The following ANKRD18A variants were observed in gnomAD, a reference collection of about 807,000 sequenced individuals.
ANKRD18A encodes the protein ankyrin repeat domain-containing protein 18A.
In ANKRD18A, 72 loss-of-function variants were observed where a neutral mutation model predicts 110.6. The observed-to-expected ratio is 0.65, with a 90% confidence interval of 0.54 to 0.79. The LOEUF (loss-of-function observed/expected upper bound fraction) is 0.79, where lower values mean the gene tolerates loss of function less well. Among genes scored for constraint, ANKRD18A ranks in the 30% least tolerant of loss-of-function variants. ANKRD18A has a pLI of 0.00. For synonymous variants in ANKRD18A, 305 were observed against 410.3 expected (o/e 0.74, Z 3.10); for missense variants, 934 against 1,163.3 (o/e 0.80, Z 2.87).
At chr9:38,602,436 G>A (rs1303765464) in intron 7 of ANKRD18A, among the ~76,000 whole-genome samples, 2 of 152,128 alleles carry the variant, frequency 1.3e-5, no homozygotes, top group Admixed American at 1.3e-4. Context: ...GTATGTTTTT[G>A]TTTACATGAG....
intron 13 of ANKRD18A, 75 bp from the exon 14 acceptor site, chr9:38,577,339 G>C: frequency 1.4e-6 from 2 of 1,426,958 alleles, no homozygotes; most frequent in Non-Finnish European, 9.3e-7. Context: ...CTTTCATTTT[G>C]AATCAGTGAT....
chr9:38,613,633 G>A (rs1252130780), intron 3 of ANKRD18A, among the ~76,000 whole-genome samples: 3 of 152,128 alleles, frequency 2.0e-5, no homozygotes, highest in South Asian at 4.1e-4. Flanking sequence ...TAGGAATGCT[G>A]AAACTAAATT....
At chr9:38,569,112 C>G (rs1823547487), downstream of ANKRD18A, 1 of 985,274 alleles carries the variant, frequency 1.0e-6, no homozygotes, top group South Asian at 4.7e-5. Flanking sequence ...GGGTCAGATG[C>G]AGGAACCAAG....
chr9:38,569,432 T>C (rs894233931), downstream of ANKRD18A: 13 of 985,128 alleles, frequency 1.3e-5, no homozygotes, highest in African/African-American at 1.8e-5. Flanking sequence ...TGTTGAGATG[T>C]GCCTTTCACC....
At chr9:38,591,508 C>T (rs1824646527) in intron 10 of ANKRD18A, among the ~76,000 whole-genome samples, 1 of 152,120 alleles carries the variant, frequency 6.6e-6, no homozygotes, top group African/African-American at 2.4e-5. Flanking sequence ...TGGTGAGCTA[C>T]AGGTAAGATT....
intron 8 of ANKRD18A, among the ~76,000 whole-genome samples, chr9:38,599,086 CTCTT>C (rs1825013195): frequency 6.6e-6 from 1 of 152,070 alleles, no homozygotes; most frequent in African/African-American, 2.4e-5. Context: ...TACAACAATT[CTCTT>C]TCTTCTTCTT....
Position 38,595,680 on chromosome 9 carries a change from G to T in ANKRD18A, c.1660C>A (p.Leu554Ile), listed in dbSNP as rs1451250932. Residue 554 changes from leucine (L) to isoleucine (I), a missense_variant, in exon 9 of 16, where the codon CTC becomes ATC. Transcript: ENST00000399703. ...ERIRQQELEN[L>I]LLERQLEDAR... ...TCCTCTAGTTGTCGTTCAAGCAAGA[G>T]ATTTTCAAGTTCTTGTTGACGTATT... 1 of 1,551,226 alleles carries T rather than the reference G, an allele frequency of 6.4e-7. No individual in the cohort carries two copies. The highest frequency in any genetic ancestry group is 1.2e-5 in the South Asian group (1 of 84,026).
chr9:38,573,300 T>G (rs1353320054), intron 15 of ANKRD18A, among the ~76,000 whole-genome samples: 15 of 152,230 alleles, frequency 9.9e-5, no homozygotes. Context: ...TTTCTACTTA[T>G]TCTAAGTTTA....
intron 6 of ANKRD18A, among the ~76,000 whole-genome samples, chr9:38,606,287 C>T (rs1448622209): frequency 6.9e-6 from 1 of 144,064 alleles, no homozygotes; most frequent in African/African-American, 2.6e-5. Context: ...GCAGTTGACC[C>T]TTGAACAACA....
rs1414856266 is a variant in ANKRD18A at position 38,617,011 on chromosome 9, T to C, written c.207-967A>G. ...GTCTTACATTAAGTAGAATACTGTA[T>C]ACACAGCAGGTCTAGGGCAATTCTA... On this transcript the variant is annotated intron_variant, in intron 1 of 15. Transcript: ENST00000399703. Among the ~76,000 whole-genome samples the C allele has an allele frequency of 2.6e-5, 4 of 152,218 alleles. No homozygotes were observed. In the East Asian group the frequency reaches 7.7e-4, roughly 29 times the overall value.
Position 38,615,643 on chromosome 9 carries a change from A to T in ANKRD18A, c.446T>A (p.Leu149Gln), listed in dbSNP as rs1825817926. 2.5e-6 allele frequency: 4 copies of T among 1,611,122 alleles called. No individual in the cohort carries two copies. The highest frequency in any genetic ancestry group is 3.4e-6 in the Non-Finnish European group (4 of 1,179,396). ...ATGGTGGGAAAGCAGTCTTTCTGCC[A>T]GTGAAGTCCCCTTATTATACACGGC... ...HYAVYNKGTS[L>Q]AERLLSHHAN... Residue 149 changes from leucine (L) to glutamine (Q), a missense_variant, in exon 3 of 16, where the codon CTG (leucine) becomes CAG (glutamine). This residue lies in a region of ANKRD18A where 630 missense variants were observed against 797.5 expected (regional missense o/e 0.79). Transcript: ENST00000399703.
intron 5 of ANKRD18A, among the ~76,000 whole-genome samples, chr9:38,609,184 A>T (rs1367149354): frequency 1.3e-5 from 2 of 152,164 alleles, no homozygotes; most frequent in Non-Finnish European, 2.9e-5. Context: ...GAACTAAAAA[A>T]CACTGTAGCT....
chr9:38,577,325 T>A (rs1823939686), intron 13 of ANKRD18A, 61 bp from the exon 14 acceptor site: 3 of 1,465,394 alleles, frequency 2.0e-6, no homozygotes, highest in Non-Finnish European at 2.7e-6. Context: ...CATAGGTTTG[T>A]TGCCTTTCAT....
intron 12 of ANKRD18A, among the ~76,000 whole-genome samples, chr9:38,583,902 T>C (rs1443396553): frequency 6.6e-6 from 1 of 152,164 alleles, no homozygotes; most frequent in Non-Finnish European, 1.5e-5. Context: ...CCCACAAGTG[T>C]CTACACCAGA....
intron 14 of ANKRD18A, among the ~76,000 whole-genome samples, 194 bp from the exon 15 acceptor site, chr9:38,575,892 T>A (rs1193478479): frequency 6.6e-6 from 1 of 152,184 alleles, no homozygotes; most frequent in Non-Finnish European, 1.5e-5. Flanking sequence ...TAAGTATATG[T>A]GTTTCTAAGG....
Position 38,577,220 on chromosome 9 carries a change from A to G in ANKRD18A, c.2574T>C (p.Asp858=). Residue 858 remains aspartate, a synonymous_variant, in exon 14 of 16, where the codon GAT becomes GAC. Transcript: ENST00000399703. ...YEKQLEQLNK[D]NTASLKKKEL... is the part of the protein sequence containing the mutation. The stretch of plus-strand genomic sequence containing the variant: ...CCTTCTTTTTTAGTGAAGCCGTATT[A>G]TCCTTGTTTAACTGCTCTAATTGTT... 2 of 1,543,612 alleles carry G rather than the reference A, an allele frequency of 1.3e-6. No homozygotes were observed. The highest frequency in any genetic ancestry group is 8.7e-7 in the Non-Finnish European group (1 of 1,145,302).
At chr9:38,593,430 C>T (rs1469524163) in intron 10 of ANKRD18A, among the ~76,000 whole-genome samples, 2 of 152,146 alleles carry the variant, frequency 1.3e-5, no homozygotes, top group African/African-American at 4.8e-5. Flanking sequence ...TCTCTTCTGA[C>T]TTAATCTGGC....
chr9:38,582,085 C>T (rs1267594698), intron 12 of ANKRD18A, among the ~76,000 whole-genome samples: 1 of 152,058 alleles, frequency 6.6e-6, no homozygotes, highest in Non-Finnish European at 1.5e-5. Context: ...TTGATTTCCA[C>T]TGAGGAAAGC....
At chr9:38,573,203 C>G (rs2118619093) in intron 15 of ANKRD18A, 1 of 820,896 alleles carries the variant, frequency 1.2e-6, no homozygotes, top group Non-Finnish European at 1.7e-6. Context: ...TAATATATTA[C>G]AAAATGTGGC....
Sources: gnomAD v4.1 joint callset for allele counts (sites outside exome capture counted in the v4.1 genomes callset) on GRCh38, gnomAD v4.1.1 for gene constraint, gnomAD v4.1.1 regional missense constraint, MANE v1.5 for transcripts, NCBI Gene and HGNC (gene_info 2026-07-23, HGNC 2026-07-21) for gene names.